COL4A5: variants seen among roughly 807,000 people sequenced by gnomAD.
COL4A5 encodes the protein collagen alpha-5(IV) chain.
In COL4A5, 26 loss-of-function variants were observed where a neutral mutation model predicts 130.2. The ratio of observed to expected loss-of-function variants is 0.20; its 90% CI spans 0.15 to 0.28. COL4A5 has a LOEUF of 0.28. COL4A5 is among the 10% of genes least tolerant of loss of function. COL4A5 has a pLI of 1.00. For missense variants in COL4A5, 1,131 were observed against 1,344.3 expected, an observed-to-expected ratio of 0.84 and a Z score of 2.48; for synonymous variants, 496 against 439.6, an observed-to-expected ratio of 1.13 and a Z score of -1.60.
chrX:108,622,894 A>C (rs1009748676), intron 33 of COL4A5, 69 bp downstream of exon 33: 1 of 1,029,311 alleles, frequency 9.7e-7, no homozygotes, highest in East Asian at 3.1e-5. Flanking sequence ...AAATAGCATG[A>C]AAAGTGACTT....
chrX:108,542,480 G>A (rs1189147323), intron 2 of COL4A5, among the ~76,000 whole-genome samples: 1 of 111,028 alleles, frequency 9.0e-6, no homozygotes, highest in Non-Finnish European at 1.9e-5. Context: ...GTGCGTATGT[G>A]CCACATTTTC....
At chrX:108,689,350 A>C (rs1257005108) in intron 49 of COL4A5, 1 of 748,890 alleles carries the variant, frequency 1.3e-6, no homozygotes, top group Admixed American at 8.9e-5. Flanking sequence ...TCAAATCCCT[A>C]ACCTACCAGG....
chrX:108,448,651 T>C (rs1380875884), intron 1 of COL4A5, among the ~76,000 whole-genome samples: 1 of 112,209 alleles, frequency 8.9e-6, no homozygotes. Context: ...TGTTTCTGTA[T>C]GTGGAAGATA....
chrX:108,695,726 A>G (rs2148002929), intron 52 of COL4A5: 1 of 312,404 alleles, frequency 3.2e-6, no homozygotes, highest in South Asian at 3.7e-5. Flanking sequence ...GCAGCTGTTC[A>G]ACTAGATTGA....
At chrX:108,585,877 T>C (rs2066327969) in intron 18 of COL4A5, among the ~76,000 whole-genome samples, 2 of 111,085 alleles carry the variant, frequency 1.8e-5, no homozygotes, top group South Asian at 3.7e-4. Context: ...GGGAGTTTTC[T>C]TTTTTAAAGG....
At chrX:108,586,094 C>T (rs1466781899) in intron 18 of COL4A5, among the ~76,000 whole-genome samples, 1 of 111,704 alleles carries the variant, frequency 9.0e-6, no homozygotes, top group Non-Finnish European at 1.9e-5. Flanking sequence ...AGGTGACTTA[C>T]AGTTCAGGAT....
intron 1 of COL4A5, among the ~76,000 whole-genome samples, chrX:108,515,658 TATTTGAGTGACG>T (rs939748366): frequency 8.1e-5 from 9 of 111,322 alleles, no homozygotes; most frequent in Non-Finnish European, 1.9e-5. Context: ...ATAATTGCTA[TATTTGAGTGACG>T]AGTATTGAGA....
At chrX:108,445,160 T>C (rs746654462) in intron 1 of COL4A5, among the ~76,000 whole-genome samples, 2 of 111,372 alleles carry the variant, frequency 1.8e-5, no homozygotes, top group Non-Finnish European at 3.8e-5. Context: ...ACATCAACTC[T>C]CAAATCTCCT....
intron 1 of COL4A5, among the ~76,000 whole-genome samples, chrX:108,496,737 T>C (rs2065039014): frequency 8.9e-6 from 1 of 111,863 alleles, no homozygotes; most frequent in Non-Finnish European, 1.9e-5. Context: ...TCAAATATTA[T>C]GTCATCTTGG....
At chrX:108,520,341 G>T (rs910308512) in intron 1 of COL4A5, among the ~76,000 whole-genome samples, 3 of 111,323 alleles carry the variant, frequency 2.7e-5, no homozygotes, top group Non-Finnish European at 3.8e-5. Flanking sequence ...AAATATCCCG[G>T]ATGTGCCTGA....
At chrX:108,582,825 T>G in intron 16 of COL4A5, 59 bp from the exon 17 acceptor site, 1 of 962,012 alleles carries the variant, frequency 1.0e-6, no homozygotes, top group Non-Finnish European at 1.5e-6. Context: ...AGACAATCTT[T>G]GGAGATTTCC....
chrX:108,578,333 A>C lies in COL4A5; in HGVS notation c.730A>C (p.Ile244Leu). Reference sequence around the variant, plus strand: ...GGGCCCACCTGGGCCACCTGGGCAGATCAGTGAACAGAAAAGACCAATTGA... The same window carrying C: ...GGGCCCACCTGGGCCACCTGGGCAGCTCAGTGAACAGAAAAGACCAATTGA... The part of the protein sequence containing the change: ...LQGPPGPPGQ[I>L]SEQKRPIDVE... The change falls in exon 13 of 53, where the codon ATC (isoleucine) becomes CTC (leucine). Residue 244 changes from isoleucine (I) to leucine (L), a missense_variant. Ile to Leu is a conservative substitution (Grantham distance 5). Coordinates refer to ENST00000328300, the MANE Select transcript of COL4A5 (RefSeq NM_033380.3). 1 of 1,211,148 alleles carries C rather than the reference A, an allele frequency of 8.3e-7. No individual in the cohort carries two copies. The highest frequency in any genetic ancestry group is 1.7e-5 in the African/African-American group (1 of 57,861).
chrX:108,566,649 C>T (rs899857618), intron 4 of COL4A5, among the ~76,000 whole-genome samples: 6 of 110,009 alleles, frequency 5.5e-5, no homozygotes, highest in African/African-American at 1.7e-4. Flanking sequence ...CCCGGGTTCA[C>T]GCCATTCTCC....
intron 42 of COL4A5, chrX:108,670,538 G>A (rs2068180913): frequency 3.0e-6 from 1 of 328,345 alleles, no homozygotes; most frequent in South Asian, 4.8e-5. Flanking sequence ...CCTTTCTTTG[G>A]AGTCTGTTTC....
chrX:108,571,099 A>G (rs1367434943), intron 6 of COL4A5, among the ~76,000 whole-genome samples: 1 of 112,206 alleles, frequency 8.9e-6, no homozygotes, highest in Non-Finnish European at 1.9e-5. Flanking sequence ...AATGGGGCAG[A>G]TCATTAACTA....
At chrX:108,526,913 G>A (rs1050685867) in intron 1 of COL4A5, among the ~76,000 whole-genome samples, 8 of 106,194 alleles carry the variant, frequency 7.5e-5, no homozygotes, top group Admixed American at 2.1e-4. Context: ...GACTACAGGT[G>A]CATGTCACCA....
chrX:108,465,101 C>T lies in COL4A5; in HGVS notation c.81+24895C>T, dbSNP rs566051551. On this transcript the variant is annotated intron_variant, in intron 1 of 52. Coordinates refer to ENST00000328300, the MANE Select transcript of COL4A5 (RefSeq NM_033380.3). ...CCTGAAAGCCACTGACCTGCTGTCACTATGAATATTTGTGTACAAGTCATT... is the reference window on the plus strand; with the variant it reads ...CCTGAAAGCCACTGACCTGCTGTCATTATGAATATTTGTGTACAAGTCATT... Among the ~76,000 whole-genome samples, 33 of 111,963 alleles carry T rather than the reference C, an allele frequency of 2.9e-4. 1 individual carries two copies. In the South Asian group the frequency reaches 0.012, roughly 41 times the overall value.
intron 41 of COL4A5, 102 bp from the exon 42 acceptor site, chrX:108,670,126 A>G (rs888813224): frequency 1.2e-6 from 1 of 855,050 alleles, no homozygotes; most frequent in Non-Finnish European, 1.7e-6. Flanking sequence ...GAAAGTATTT[A>G]GTGTAATGCT....
intron 16 of COL4A5, 74 bp downstream of exon 16, chrX:108,581,101 A>G: frequency 1.1e-6 from 1 of 896,908 alleles, no homozygotes; most frequent in Non-Finnish European, 1.6e-6. Flanking sequence ...GGTGGCAGAG[A>G]AGCAGTATGA....
Sources: gnomAD v4.1 joint callset for allele counts (sites outside exome capture counted in the v4.1 genomes callset) on GRCh38, gnomAD v4.1.1 for gene constraint, MANE v1.5 for transcripts, NCBI Gene and HGNC (gene_info 2026-07-23, HGNC 2026-07-21) for gene names.